Variants in ABL2 observed in about 807,000 individuals in gnomAD.
ABL2 encodes the protein tyrosine-protein kinase ABL2.
A neutral mutation model predicts 107.7 loss-of-function variants in ABL2; 49 were observed. The observed-to-expected ratio is 0.45, with a 90% CI of 0.36 to 0.58. The LOEUF (loss-of-function observed/expected upper bound fraction) is 0.58. Ranked by LOEUF, ABL2 falls within the 20% of genes least tolerant of loss-of-function variation. ABL2 has a pLI of 0.00. For synonymous variants in ABL2, 549 were observed against 548.6 expected (o/e 1.00, Z -0.01); for missense variants, 1,245 against 1,457.0 (o/e 0.85, Z 2.37).
rs1178157504 is a variant in ABL2, at chr1:179,114,931, C to T, written c.1508G>A (p.Arg503Gln). ...GGGGCATCCCTCAGGCTGTTCCATT[C>T]GATATCCTTTTTCTAGTAGGTCATA... ...QVYDLLEKGYRMEQPEGCPPK... is the reference protein window; with the variant it reads ...QVYDLLEKGYQMEQPEGCPPK... The change falls in exon 9 of 12, where the codon CGA becomes CAA. Residue 503 changes from arginine (R) to glutamine (Q), a missense_variant. This residue lies in a region of ABL2 where 320 missense variants were observed against 547.0 expected (regional missense o/e 0.59). Coordinates refer to ENST00000502732, the MANE Select transcript of ABL2 (RefSeq NM_007314.4). 6.2e-7 allele frequency: 1 copy of T among 1,612,394 alleles called. No individual in the cohort carries two copies. The highest frequency in any genetic ancestry group is 2.2e-5 in the East Asian group (1 of 44,802).
chr1:179,158,867 AAG>A (rs1216240146), intron 1 of ABL2, among the ~76,000 whole-genome samples: 1 of 152,242 alleles, frequency 6.6e-6, no homozygotes, highest in Non-Finnish European at 1.5e-5. Context: ...ATTAACAGAA[AAG>A]AGTCATGCCT....
intron 1 of ABL2, among the ~76,000 whole-genome samples, chr1:179,194,425 A>C (rs1661190213): frequency 6.6e-6 from 1 of 152,246 alleles, no homozygotes; most frequent in Non-Finnish European, 1.5e-5. Context: ...AGGGGTTATC[A>C]AAGATAAATT....
intron 1 of ABL2, among the ~76,000 whole-genome samples, chr1:179,199,731 CT>C (rs55794608): frequency 0.021 from 2,916 of 136,076 alleles, 64 homozygotes; most frequent in African/African-American, 0.072. Context: ...ACACTTTTTC[CT>C]TTTTTTTTTT....
chr1:179,198,891 G>A (rs1661493776), intron 1 of ABL2, among the ~76,000 whole-genome samples: 2 of 148,262 alleles, frequency 1.3e-5, no homozygotes, highest in African/African-American at 5.0e-5. Flanking sequence ...GCCCAGGCTG[G>A]AGTGCAGTGG....
intron 1 of ABL2, among the ~76,000 whole-genome samples, chr1:179,214,981 G>C (rs1386988215): frequency 6.6e-6 from 1 of 152,030 alleles, no homozygotes; most frequent in African/African-American, 2.4e-5. Context: ...CTAACATGGT[G>C]AAACTCCTTC....
intron 8 of ABL2, 76 bp downstream of exon 8, chr1:179,117,254 AAG>A: frequency 7.1e-7 from 1 of 1,416,192 alleles, no homozygotes; most frequent in African/African-American, 1.4e-5. Context: ...TGAACATCGT[AAG>A]AGAAGCTCTA....
rs1660577481 is a variant in ABL2 at position 179,184,609 on chromosome 1, G to A, written c.157+44632C>T. 4 of 541,122 alleles carry A rather than the reference G, an allele frequency of 7.4e-6. No homozygotes were observed. In the South Asian group the frequency reaches 8.2e-5, roughly 11 times the overall value. The allele number at this position is 541,122 out of a possible 1,614,324, so 33.5% of individuals were successfully genotyped here. A position where few individuals can be genotyped will look rare whatever the true frequency, so the allele number is the denominator to read the frequency against. ...GGAGGAGGAAGAGGAAGGATTAGAA[G>A]ATATTGATGAAGAAGGGGATGAGGA... is the stretch of plus-strand genomic sequence containing the variant. On this transcript the variant is annotated intron_variant, in intron 1 of 11. Transcript: ENST00000502732.
intron 1 of ABL2, among the ~76,000 whole-genome samples, chr1:179,193,017 A>T (rs993184246): frequency 2.0e-5 from 3 of 152,196 alleles, no homozygotes; most frequent in African/African-American, 7.2e-5. Flanking sequence ...TCTATATCAA[A>T]GGTCATATCA....
chr1:179,150,630 A>G (rs898127037), intron 1 of ABL2, among the ~76,000 whole-genome samples: 2 of 152,218 alleles, frequency 1.3e-5, no homozygotes, highest in African/African-American at 4.8e-5. Flanking sequence ...TTCCTGGTAA[A>G]GATGCTGGGA....
At chr1:179,180,206 C>T (rs1660291459) in intron 1 of ABL2, among the ~76,000 whole-genome samples, 1 of 152,036 alleles carries the variant, frequency 6.6e-6, no homozygotes, top group Admixed American at 6.6e-5. Context: ...CCCACCTGTA[C>T]TTTAGTATGG....
At chr1:179,172,932 G>GT (rs1659808659) in intron 1 of ABL2, among the ~76,000 whole-genome samples, 1 of 152,184 alleles carries the variant, frequency 6.6e-6, no homozygotes, top group Non-Finnish European at 1.5e-5. Context: ...GCTCACGCTT[G>GT]TAATCCCAGC....
chr1:179,109,800 C>T lies in ABL2; in HGVS notation c.1826-359G>A, dbSNP rs543970799. Among the ~76,000 whole-genome samples the T allele has an allele frequency of 1.1e-4, 17 of 152,052 alleles. No individual in the cohort carries two copies. In the South Asian group the frequency reaches 1.5e-3, roughly 13 times the overall value. On this transcript the variant is annotated intron_variant, in intron 11 of 11. Transcript: ENST00000502732. The stretch of plus-strand genomic sequence containing the variant: ...AAAATTAGCTGGGCATGGTGGCGGG[C>T]GCCTGTAGTTCCAGCTACTCGGAAA...
At chr1:179,198,864 T>C (rs1468452639) in intron 1 of ABL2, among the ~76,000 whole-genome samples, 8 of 147,560 alleles carry the variant, frequency 5.4e-5, no homozygotes, top group African/African-American at 2.0e-4. Flanking sequence ...TTTTTAAAGA[T>C]GGAGTCTTGC....
chr1:179,144,901 T>C (rs1657882956), intron 1 of ABL2, among the ~76,000 whole-genome samples: 1 of 152,220 alleles, frequency 6.6e-6, no homozygotes, highest in Non-Finnish European at 1.5e-5. Context: ...ATTCTATCCA[T>C]ATGTAGACTC....
chr1:179,144,726 AATT>A (rs1657872631), intron 1 of ABL2, among the ~76,000 whole-genome samples: 1 of 152,212 alleles, frequency 6.6e-6, no homozygotes, highest in East Asian at 1.9e-4. Flanking sequence ...TTTTCAATAA[AATT>A]ATCCTTTATA....
intron 5 of ABL2, among the ~76,000 whole-genome samples, chr1:179,120,763 C>T (rs913540930): frequency 1.3e-5 from 2 of 152,114 alleles, no homozygotes; most frequent in Non-Finnish European, 2.9e-5. Flanking sequence ...AAGAAAAATG[C>T]CCTGGAGTAA....
chr1:179,213,152 ATG>A (rs1662378295), intron 1 of ABL2, among the ~76,000 whole-genome samples: 3 of 151,940 alleles, frequency 2.0e-5, no homozygotes, highest in African/African-American at 7.2e-5. Context: ...TTTTATATAT[ATG>A]TCTATCTAAA....
chr1:179,190,838 A>G (rs751579080), intron 1 of ABL2, among the ~76,000 whole-genome samples: 2 of 152,170 alleles, frequency 1.3e-5, no homozygotes, highest in Admixed American at 1.3e-4. Context: ...ACATTTCACA[A>G]TATCACATAA....
intron 1 of ABL2, among the ~76,000 whole-genome samples, chr1:179,138,544 T>C (rs1657255818): frequency 6.6e-6 from 1 of 152,220 alleles, no homozygotes; most frequent in African/African-American, 2.4e-5. Flanking sequence ...TGCAAAACTA[T>C]CATCCATCCT....
Sources: gnomAD v4.1 joint callset for allele counts (sites outside exome capture counted in the v4.1 genomes callset) on GRCh38, gnomAD v4.1.1 for gene constraint, gnomAD v4.1.1 regional missense constraint, MANE v1.5 for transcripts, NCBI Gene and HGNC (gene_info 2026-07-23, HGNC 2026-07-21) for gene names.